The following DISC1 variants were observed in gnomAD, a reference collection of about 807,000 sequenced individuals.
The protein encoded by DISC1 is DISC1 scaffold protein.
In DISC1, 57 loss-of-function variants were observed where a neutral mutation model predicts 84.5. The ratio of observed to expected loss-of-function variants is 0.67; its 90% confidence interval spans 0.55 to 0.84. The LOEUF (loss-of-function observed/expected upper bound fraction) is 0.84. DISC1 is among the 40% of genes least tolerant of loss of function. DISC1 has a pLI of 0.00. For missense variants in DISC1, 1,000 were observed against 1,057.8 expected, an observed-to-expected ratio of 0.95 and a Z score of 0.76; for synonymous variants, 411 against 415.2, an observed-to-expected ratio of 0.99 and a Z score of 0.12.
At chr1:231,742,166 G>A (rs1488432743) in intron 3 of DISC1, among the ~76,000 whole-genome samples, 1 of 152,178 alleles carries the variant, frequency 6.6e-6, no homozygotes, top group African/African-American at 2.4e-5. Context: ...CCTACTAGGA[G>A]TGTTCCTTAC....
intron 10 of DISC1, among the ~76,000 whole-genome samples, chr1:231,990,038 C>T (rs973020827): frequency 3.9e-5 from 6 of 152,128 alleles, no homozygotes; most frequent in African/African-American, 1.4e-4. Context: ...TTCTCCTCCC[C>T]TACTGGTTCT....
At chr1:231,815,447 T>C (rs1411292728) in intron 8 of DISC1, among the ~76,000 whole-genome samples, 1 of 152,146 alleles carries the variant, frequency 6.6e-6, no homozygotes, top group African/African-American at 2.4e-5. Context: ...TCTAAAGACA[T>C]GTACATGTTG....
intron 4 of DISC1, among the ~76,000 whole-genome samples, chr1:231,759,549 A>AAAAAC (rs2075455745): frequency 7.2e-6 from 1 of 139,084 alleles, no homozygotes; most frequent in Non-Finnish European, 1.5e-5. Flanking sequence ...AAAAAAAAAA[A>AAAAAC]AACAAAACTA....
chr1:231,801,881 C>T (rs1483505229), intron 8 of DISC1, among the ~76,000 whole-genome samples: 11 of 150,982 alleles, frequency 7.3e-5, no homozygotes, highest in East Asian at 3.9e-4. Context: ...TGCAATGGCG[C>T]GATCTCGGCT....
rs1659116782 is a variant in DISC1, at chr1:231,954,733, C to G, written c.1982-4095C>G. On this transcript the variant is annotated intron_variant, in intron 9 of 12. Coordinates refer to ENST00000439617, the MANE Select transcript of DISC1 (RefSeq NM_018662.3). This position sits in a 1 kb window ranked among gnomAD's most constrained non-coding sequence, Gnocchi z 4.8. ...GTAAGAAGAGAGGAAAAGGTGAGCT[C>G]TATTCTCCGTCAGCGTGTCTGTGGC... Among the ~76,000 whole-genome samples, 1 of 152,182 alleles carries G rather than the reference C, an allele frequency of 6.6e-6. No homozygotes were observed. The highest frequency in any genetic ancestry group is 1.5e-5 in the Non-Finnish European group (1 of 68,040).
At chr1:231,689,958 G>A (rs1334915146) in intron 1 of DISC1, among the ~76,000 whole-genome samples, 8 of 152,208 alleles carry the variant, frequency 5.3e-5, no homozygotes, top group African/African-American at 1.9e-4. Flanking sequence ...GGGATTGGAA[G>A]CTGAAGGCTG....
intron 9 of DISC1, among the ~76,000 whole-genome samples, chr1:231,949,220 C>T (rs1359952878): frequency 6.6e-6 from 1 of 152,124 alleles, no homozygotes; most frequent in Non-Finnish European, 1.5e-5. Context: ...TATCTATCAC[C>T]TGCATATTAA....
Position 231,626,941 on chromosome 1 carries a change from G to A in DISC1, c.67+7G>A, listed in dbSNP as rs1259602679. 1 of 1,503,832 alleles carries A rather than the reference G, an allele frequency of 6.6e-7. No homozygotes were observed. The highest frequency in any genetic ancestry group is 1.4e-5 in the African/African-American group (1 of 69,100). The allele number at this position is 1,503,832 out of a possible 1,614,324, so 93.2% of individuals were successfully genotyped here. ...GGCGTGAGCCACCGCGCAGGTAGGGGAGCTGCCACAGAGTCCTAGCACGTC... is the reference window on the plus strand; with the variant it reads ...GGCGTGAGCCACCGCGCAGGTAGGGAAGCTGCCACAGAGTCCTAGCACGTC... On this transcript the variant is annotated splice_region_variant and intron_variant, in intron 1 of 12. Coordinates refer to ENST00000439617, the MANE Select transcript of DISC1 (RefSeq NM_018662.3).
intron 10 of DISC1, among the ~76,000 whole-genome samples, chr1:231,961,758 G>T (rs181561729): frequency 1.0e-3 from 159 of 152,254 alleles, no homozygotes; most frequent in Middle Eastern, 0.01. Context: ...AATGTACCAT[G>T]TTTTCTTTAT....
At chr1:231,741,260 T>C (rs202192405) in intron 3 of DISC1, among the ~76,000 whole-genome samples, 14 of 152,218 alleles carry the variant, frequency 9.2e-5, no homozygotes, top group Admixed American at 2.0e-4. Context: ...GATCTGAAGC[T>C]GAAGGCCTGG....
intron 4 of DISC1, among the ~76,000 whole-genome samples, chr1:231,758,589 C>T (rs1017077034): frequency 3.9e-5 from 6 of 152,116 alleles, no homozygotes; most frequent in East Asian, 1.9e-4. Context: ...GAATGCAGAG[C>T]GTTTAGGTCT....
chr1:231,768,758 TA>T (rs1386840326), intron 5 of DISC1, among the ~76,000 whole-genome samples: 3 of 152,148 alleles, frequency 2.0e-5, no homozygotes, highest in Non-Finnish European at 4.4e-5. Flanking sequence ...ATAAACATAA[TA>T]AAACCTCTAT....
intron 3 of DISC1, among the ~76,000 whole-genome samples, chr1:231,713,427 A>G (rs1053616881): frequency 6.6e-4 from 101 of 152,152 alleles, no homozygotes; most frequent in Non-Finnish European, 1.3e-3. Context: ...CCAGAAAAAC[A>G]GTGTATGAAC....
chr1:232,002,007 A>G (rs1666749889), intron 10 of DISC1, among the ~76,000 whole-genome samples: 1 of 152,242 alleles, frequency 6.6e-6, no homozygotes, highest in South Asian at 2.1e-4. Flanking sequence ...ATTAGTATGT[A>G]CAATGTACAA....
intron 1 of DISC1, among the ~76,000 whole-genome samples, chr1:231,647,226 G>A (rs1267739460): frequency 6.6e-6 from 1 of 152,114 alleles, no homozygotes; most frequent in African/African-American, 2.4e-5. Flanking sequence ...AATTCATCTT[G>A]AATTAATTTT....
intron 11 of DISC1, among the ~76,000 whole-genome samples, chr1:232,019,275 T>G (rs1287090467): frequency 6.6e-6 from 1 of 152,196 alleles, no homozygotes; most frequent in African/African-American, 2.4e-5. Flanking sequence ...ACCATTTACC[T>G]GTTATAACTG....
Position 231,826,269 on chromosome 1 carries a change from C to T in DISC1, c.1981+7752C>T, listed in dbSNP as rs199937185. 3.9e-5 allele frequency among the ~76,000 whole-genome samples: 6 copies of T among 152,196 alleles called. No homozygotes were observed. The highest frequency in any genetic ancestry group is 6.5e-5 in the Admixed American group (1 of 15,284). On this transcript the variant is annotated intron_variant, in intron 9 of 12. Transcript: ENST00000439617. This position sits in a 1 kb window ranked among gnomAD's most constrained non-coding sequence, Gnocchi z 4.2. Reference sequence around the variant, plus strand: ...CTCTTACCTGCCATTTTACCTTTGACGTTGCTTTATGTTCTTTATGAATTT... The same window carrying T: ...CTCTTACCTGCCATTTTACCTTTGATGTTGCTTTATGTTCTTTATGAATTT...
At chr1:231,901,263 G>C (rs1278042258) in intron 9 of DISC1, among the ~76,000 whole-genome samples, 3 of 152,056 alleles carry the variant, frequency 2.0e-5, no homozygotes, top group Non-Finnish European at 4.4e-5. Context: ...CAGTGTATGG[G>C]GATAATTAGT....
chr1:231,843,234 A>G (rs959359180), intron 9 of DISC1, among the ~76,000 whole-genome samples: 3 of 152,204 alleles, frequency 2.0e-5, no homozygotes, highest in African/African-American at 7.2e-5. Flanking sequence ...AAGAACAAGC[A>G]TGAGAGGTGA....
Sources: gnomAD v4.1 joint callset for allele counts (sites outside exome capture counted in the v4.1 genomes callset) on GRCh38, gnomAD v4.1.1 for gene constraint, Gnocchi (gnomAD v3.1) non-coding constraint, MANE v1.5 for transcripts, NCBI Gene and HGNC (gene_info 2026-07-23, HGNC 2026-07-21) for gene names.